Variants in PAG1 observed in about 807,000 individuals in gnomAD.
The protein encoded by PAG1 is phosphoprotein membrane anchor with glycosphingolipid microdomains 1.
In PAG1, 23 loss-of-function variants were observed where a neutral mutation model predicts 31.7. The observed-to-expected ratio is 0.73, with a 90% confidence interval of 0.52 to 1.03. The LOEUF (loss-of-function observed/expected upper bound fraction) is 1.03, where lower values mean the gene tolerates loss of function less well. Ranked by LOEUF, PAG1 falls within the 50% of genes least tolerant of loss-of-function variation. The pLI is 0.00. For missense variants in PAG1, 473 were observed against 540.7 expected, an observed-to-expected ratio of 0.87 and a Z score of 1.24; for synonymous variants, 214 against 210.3, an observed-to-expected ratio of 1.02 and a Z score of -0.15.
chr8:81,008,368 C>T lies in PAG1; in HGVS notation c.-80-15061G>A, dbSNP rs991857047. Among the ~76,000 whole-genome samples the T allele has an allele frequency of 2.6e-5, 4 of 151,900 alleles. No individual in the cohort carries two copies. In the East Asian group the frequency reaches 7.7e-4, roughly 29 times the overall value. ...ACTGGTAACACTCTGCTTCCCTTTA[C>T]GAAGAACATAATTAAGAACAATGTA... On this transcript the variant is annotated intron_variant, in intron 3 of 8. Transcript: ENST00000220597.
chr8:81,011,310 G>T lies in PAG1; in HGVS notation c.-80-18003C>A, dbSNP rs867702943. ...CTGGCGGGAGATAACTGAATCATGG[G>T]AGTGGTTTCCCCCATACTGTTCTCA... On this transcript the variant is annotated intron_variant, in intron 3 of 8. Transcript: ENST00000220597. 3.3e-5 allele frequency among the ~76,000 whole-genome samples: 5 copies of T among 152,296 alleles called. No individual in the cohort carries two copies. In the South Asian group the frequency reaches 1.0e-3, roughly 32 times the overall value.
At chr8:81,022,307 A>G (rs1416586677) in intron 3 of PAG1, among the ~76,000 whole-genome samples, 2 of 152,176 alleles carry the variant, frequency 1.3e-5, no homozygotes, top group Non-Finnish European at 2.9e-5. Context: ...TCATTTCTGT[A>G]TATTTCTTTT....
intron 1 of PAG1, among the ~76,000 whole-genome samples, chr8:81,076,925 T>C (rs149693860): frequency 7.9e-4 from 121 of 152,344 alleles, no homozygotes; most frequent in African/African-American, 2.7e-3. Context: ...AATTAGGCAC[T>C]TAAAGAGTTT....
intron 3 of PAG1, among the ~76,000 whole-genome samples, chr8:81,020,773 T>G (rs948662737): frequency 6.6e-5 from 10 of 152,226 alleles, no homozygotes; most frequent in Non-Finnish European, 1.2e-4. Flanking sequence ...ATGGGTAATC[T>G]TATGTTTTAA....
Position 81,099,702 on chromosome 8 carries a change from C to T in PAG1, c.-234+11889G>A, listed in dbSNP as rs950299885. On this transcript the variant is annotated intron_variant, in intron 1 of 8. Transcript: ENST00000220597. ...AAGCAAGCAATAGAAAGATTGGTGG[C>T]TTCCTGGGGCTGGCAGCAGGAATGA... 8.5e-5 allele frequency among the ~76,000 whole-genome samples: 13 copies of T among 152,334 alleles called. No individual in the cohort carries two copies. The South Asian group carries it at 2.3e-3, about 27-fold the overall frequency.
chr8:81,106,448 G>A (rs944338639), intron 1 of PAG1, among the ~76,000 whole-genome samples: 1 of 151,830 alleles, frequency 6.6e-6, no homozygotes. Context: ...TTTAGCAAAT[G>A]CCCCCAGTCA....
In PAG1 at chr8:80,970,689, G is replaced by A. The variant is rs1807058876; in HGVS notation, c.*5855C>T. On this transcript the variant is annotated 3_prime_UTR_variant, in exon 9 of 9. Transcript: ENST00000220597. Reference sequence around the variant, plus strand: ...AAGTGCTTTTCCATGGCCCCTTAGTGTCAACCATTCTTACGAAAGATGTGA... The same window carrying A: ...AAGTGCTTTTCCATGGCCCCTTAGTATCAACCATTCTTACGAAAGATGTGA... The A allele has an allele frequency of 6.5e-6, 1 of 152,876 alleles. No individual in the cohort carries two copies. The highest frequency in any genetic ancestry group is 1.5e-5 in the Non-Finnish European group (1 of 68,106). 9.5% of individuals were successfully genotyped at this position (152,876 alleles called of 1,614,324 possible).
At chr8:81,015,755 T>G (rs962811654) in intron 3 of PAG1, among the ~76,000 whole-genome samples, 3 of 152,212 alleles carry the variant, frequency 2.0e-5, no homozygotes, top group Non-Finnish European at 4.4e-5. Context: ...TAGGTAGGTA[T>G]AGAAGATTCC....
intron 2 of PAG1, among the ~76,000 whole-genome samples, chr8:81,069,431 T>C (rs1173163680): frequency 1.3e-5 from 2 of 152,198 alleles, no homozygotes; most frequent in Non-Finnish European, 2.9e-5. Flanking sequence ...TGGGTGGACA[T>C]AGTGCTTCGA....
intron 1 of PAG1, among the ~76,000 whole-genome samples, chr8:81,093,527 C>G (rs1390495983): frequency 1.3e-5 from 2 of 152,070 alleles, no homozygotes; most frequent in African/African-American, 4.8e-5. Flanking sequence ...AAGATTGTCT[C>G]TGAGGTTCCT....
chr8:81,077,368 C>T (rs1459879283), intron 1 of PAG1, among the ~76,000 whole-genome samples: 2 of 152,188 alleles, frequency 1.3e-5, no homozygotes, highest in Admixed American at 6.5e-5. Flanking sequence ...CTTCTACAGC[C>T]TCTTCTACTT....
chr8:81,039,669 TAA>T (rs1440735589), intron 2 of PAG1: 1 of 152,212 alleles, frequency 6.6e-6, no homozygotes, highest in African/African-American at 2.4e-5. Context: ...AGTCCTGACT[TAA>T]AGACACAGAG....
At chr8:81,076,519 A>G (rs1303112978) in intron 1 of PAG1, among the ~76,000 whole-genome samples, 1 of 152,218 alleles carries the variant, frequency 6.6e-6, no homozygotes, top group Non-Finnish European at 1.5e-5. Context: ...GGCTGATAAA[A>G]TATTTCTTTT....
rs552574839 is a variant in PAG1 at position 80,993,131 on chromosome 8, G to C, written c.97C>G (p.Leu33Val). The C allele has an allele frequency of 5.0e-6, 8 of 1,613,880 alleles. No individual in the cohort carries two copies. The South Asian group carries it at 8.8e-5, about 18-fold the overall frequency. The change falls in exon 4 of 9, where the codon CTC becomes GTC. Residue 33 changes from leucine (L) to valine (V), a missense_variant. Physicochemically the swap from Leu to Val is conservative, Grantham distance 32. Transcript: ENST00000220597. ...TCACAACTAGAGCACAGGAAGATGA[G>C]GAAGGTGATGACGAAGAAAATGGCG... ...AVAIFFVITFLIFLCSSCDRE... is the reference protein window; with the variant it reads ...AVAIFFVITFVIFLCSSCDRE...
chr8:81,050,539 A>T (rs1177766744), intron 2 of PAG1, among the ~76,000 whole-genome samples: 2 of 152,200 alleles, frequency 1.3e-5, no homozygotes, highest in African/African-American at 4.8e-5. Context: ...CTGTCATAAA[A>T]TGCCATAAGA....
At chr8:81,095,700 T>C (rs1809517873) in intron 1 of PAG1, among the ~76,000 whole-genome samples, 2 of 152,256 alleles carry the variant, frequency 1.3e-5, no homozygotes, top group African/African-American at 2.4e-5. Context: ...TGCTTCTATA[T>C]GTACTACCTA....
At chr8:80,991,906 G>A (rs1039278442) in intron 4 of PAG1, among the ~76,000 whole-genome samples, 20 of 147,434 alleles carry the variant, frequency 1.4e-4, no homozygotes, top group Non-Finnish European at 2.8e-4. Context: ...CTGAGTCTCT[G>A]CAAAGTCACA....
intron 2 of PAG1, among the ~76,000 whole-genome samples, chr8:81,037,742 A>C (rs1375467523): frequency 6.6e-6 from 1 of 152,258 alleles, no homozygotes; most frequent in African/African-American, 2.4e-5. Context: ...TAAGCATGAG[A>C]TAATAGCCAG....
intron 3 of PAG1, among the ~76,000 whole-genome samples, chr8:81,001,615 A>G (rs1175817566): frequency 6.6e-6 from 1 of 152,160 alleles, no homozygotes; most frequent in Non-Finnish European, 1.5e-5. Context: ...TAGGCTTGAC[A>G]TAAAAAGCAC....
Sources: gnomAD v4.1 joint callset for allele counts (sites outside exome capture counted in the v4.1 genomes callset) on GRCh38, gnomAD v4.1.1 for gene constraint, MANE v1.5 for transcripts, NCBI Gene and HGNC (gene_info 2026-07-23, HGNC 2026-07-21) for gene names.